Variants in PCSK1 observed in about 807,000 individuals in gnomAD.
The protein encoded by PCSK1 is neuroendocrine convertase 1.
In PCSK1, 56 loss-of-function variants were observed where a neutral mutation model predicts 90.6. That is an observed-to-expected ratio of 0.62 (90% confidence interval 0.50 to 0.77). The LOEUF is 0.77. Among genes scored for constraint, PCSK1 ranks in the 30% least tolerant of loss-of-function variants. The probability of loss-of-function intolerance (pLI) is 0.00; values close to 1 mark genes in which losing one functional copy is unlikely to be tolerated. For missense variants in PCSK1, 801 were observed against 932.6 expected (o/e 0.86, Z 1.84); for synonymous variants, 348 against 342.4 (o/e 1.02, Z -0.18).
At chr5:96,420,662 A>G (rs1212844860) in intron 5 of PCSK1, among the ~76,000 whole-genome samples, 3 of 151,700 alleles carry the variant, frequency 2.0e-5, no homozygotes, top group Non-Finnish European at 4.4e-5. Context: ...TGGAGGGAAG[A>G]CTATCCAAAG....
chr5:96,411,225 G>A (rs538463219), intron 7 of PCSK1, among the ~76,000 whole-genome samples: 6 of 152,314 alleles, frequency 3.9e-5, no homozygotes, highest in African/African-American at 1.2e-4. Flanking sequence ...CTGAGCACAC[G>A]CTTTTCTTTC....
intron 5 of PCSK1, among the ~76,000 whole-genome samples, chr5:96,420,370 TTGTC>T (rs1455761470): frequency 6.6e-6 from 1 of 152,144 alleles, no homozygotes; most frequent in African/African-American, 2.4e-5. Context: ...AGCAAAAAGT[TTGTC>T]TGAGGGTCTG....
chr5:96,412,752 G>GTTTTTTTGTTTTT (rs1760802563), intron 6 of PCSK1, among the ~76,000 whole-genome samples: 7 of 71,804 alleles, frequency 9.7e-5, no homozygotes, highest in African/African-American at 6.3e-4. Flanking sequence ...CAGCTGTGAT[G>GTTTTTTTGTTTTT]TTTTTTTTTT....
chr5:96,432,190 G>C (rs770930143), intron 1 of PCSK1: 54 of 1,477,918 alleles, frequency 3.7e-5, no homozygotes, highest in Middle Eastern at 1.7e-4. Context: ...GACTTTATAA[G>C]TTCCCAGTGA....
rs187875341 is a variant in PCSK1, at chr5:96,427,880, T to C, written c.285+1333A>G. Among the ~76,000 whole-genome samples, 1,352 of 152,274 alleles carry C rather than the reference T, an allele frequency of 8.9e-3. 12 individuals carry two copies. Among genetic ancestry groups the C allele is most frequent in the Middle Eastern group, 0.017 (5 of 294 alleles). ...TCTGCTTTTCAGAGCCCACACACGA[T>C]GAGCCCTCTCCCTTGAAGTGAGTAA... On this transcript the variant is annotated intron_variant, in intron 2 of 13. Coordinates refer to ENST00000311106, the MANE Select transcript of PCSK1 (RefSeq NM_000439.5).
chr5:96,392,669 CCTTTT>C lies in PCSK1; in HGVS notation c.*327_*331del, dbSNP rs1366657381. The stretch of plus-strand genomic sequence containing the variant: ...AAATTAATTGATATCCCAGGTTTTG[CCTTTT>C]CTTTTGAGAATTGAAATGGGCTCTA... On this transcript the variant is annotated 3_prime_UTR_variant, in exon 14 of 14. Coordinates refer to ENST00000311106, the MANE Select transcript of PCSK1 (RefSeq NM_000439.5). 18 of 241,912 alleles carry C rather than the reference CCTTTT, an allele frequency of 7.4e-5. No individual in the cohort carries two copies. Among genetic ancestry groups the C allele is most frequent in the Non-Finnish European group, 1.1e-4 (14 of 126,182 alleles). 15.0% of individuals were successfully genotyped at this position (241,912 alleles called of 1,614,324 possible).
At chr5:96,412,282 G>A (rs758232286) in intron 7 of PCSK1, 36 bp downstream of exon 7, 11 of 1,565,774 alleles carry the variant, frequency 7.0e-6, no homozygotes. Flanking sequence ...AGATGGTCAG[G>A]TTTCATTTCA....
rs1183154024 is a variant in PCSK1 at position 96,432,972 on chromosome 5, C to A, written c.71G>T (p.Ser24Ile). 6.2e-7 allele frequency: 1 copy of A among 1,614,116 alleles called. No individual in the cohort carries two copies. The highest frequency in any genetic ancestry group is 8.5e-7 in the Non-Finnish European group (1 of 1,180,040). Residue 24 changes from serine to isoleucine, a missense_variant, in exon 1 of 14, where the codon AGT becomes ATT. Ser to Ile is a moderately radical substitution (Grantham distance 142). Coordinates refer to ENST00000311106, the MANE Select transcript of PCSK1 (RefSeq NM_000439.5). ...VLFCAWCALNSAKAKRQFVNE... is the reference protein window; with the variant it reads ...VLFCAWCALNIAKAKRQFVNE... ...GACAAATTGCCTTTTCGCTTTTGCA[C>A]TGTTCAGTGCACACCAAGCGCAAAA...
chr5:96,413,353 G>A (rs1760833761), intron 6 of PCSK1, among the ~76,000 whole-genome samples: 1 of 152,190 alleles, frequency 6.6e-6, no homozygotes, highest in Non-Finnish European at 1.5e-5. Flanking sequence ...ACAGATTACA[G>A]GCAGCTACCT....
chr5:96,400,141 G>C lies in PCSK1; in HGVS notation c.1242C>G (p.Thr414=). 6.2e-7 allele frequency: 1 copy of C among 1,614,160 alleles called. No individual in the cohort carries two copies. Among genetic ancestry groups the C allele is most frequent in the Non-Finnish European group, 8.5e-7 (1 of 1,179,996 alleles). ...WRDMQHLVVW[T]SEYDPLANNP... is the part of the protein sequence containing the mutation. The stretch of plus-strand genomic sequence containing the variant: ...TATTGGCCAGCGGGTCATACTCAGA[G>C]GTCCAGACAACCAGGTGCTGCATAT... Residue 414 remains threonine (T), a synonymous_variant, in exon 10 of 14, where the codon ACC becomes ACG. Coordinates refer to ENST00000311106, the MANE Select transcript of PCSK1 (RefSeq NM_000439.5).
At chr5:96,410,650 T>C in intron 8 of PCSK1, 124 bp downstream of exon 8, 1 of 816,880 alleles carries the variant, frequency 1.2e-6, no homozygotes, top group Non-Finnish European at 2.1e-6. Flanking sequence ...TAAGTGTGAG[T>C]TCTCCCAACT....
At chr5:96,419,764 G>T (rs1158707602) in intron 5 of PCSK1, among the ~76,000 whole-genome samples, 2 of 151,660 alleles carry the variant, frequency 1.3e-5, no homozygotes, top group African/African-American at 4.8e-5. Flanking sequence ...CCCTGAGTCA[G>T]GGAAATTATA....
rs139669972 is a variant in PCSK1, at chr5:96,395,002, T to G, written c.1746A>C (p.Gly582=). The change falls in exon 13 of 14, where the codon GGA becomes GGC. Residue 582 remains glycine, a synonymous_variant. Transcript: ENST00000311106. ...TDMSGRIQNE[G]RIVNWKLILH... ...AAATCAGCTTCCAGTTCACAATTCTTCCTTCATTTTGAATTCTTCCAGACT... is the reference window on the plus strand; with the variant it reads ...AAATCAGCTTCCAGTTCACAATTCTGCCTTCATTTTGAATTCTTCCAGACT... The G allele has an allele frequency of 1.2e-6, 2 of 1,613,850 alleles. No individual in the cohort carries two copies. Among genetic ancestry groups the G allele is most frequent in the Admixed American group, 1.7e-5 (1 of 60,028 alleles).
intron 6 of PCSK1, 136 bp from the exon 7 acceptor site, chr5:96,412,626 C>A: frequency 1.3e-6 from 1 of 790,254 alleles, no homozygotes; most frequent in South Asian, 1.7e-5. Context: ...ATAGATGTCC[C>A]CAATTTCTGT....
intron 11 of PCSK1, 115 bp downstream of exon 11, chr5:96,398,764 A>C: frequency 1.1e-6 from 1 of 886,100 alleles, no homozygotes; most frequent in Non-Finnish European, 1.9e-6. Context: ...GTTTTTTAAG[A>C]CCTGAAAATA....
chr5:96,429,409 C>T (rs1194733092), intron 1 of PCSK1, 92 bp from the exon 2 acceptor site: 1 of 716,380 alleles, frequency 1.4e-6, no homozygotes, highest in Non-Finnish European at 2.5e-6. Flanking sequence ...AGATAGGCAA[C>T]TTTTATTAAG....
chr5:96,409,830 C>T (rs1760694510), intron 8 of PCSK1, among the ~76,000 whole-genome samples: 1 of 152,220 alleles, frequency 6.6e-6, no homozygotes, highest in African/African-American at 2.4e-5. Flanking sequence ...CAGGCCCACA[C>T]TTCTAAGTTG....
intron 8 of PCSK1, among the ~76,000 whole-genome samples, chr5:96,409,812 G>A (rs1051392196): frequency 8.5e-5 from 13 of 152,184 alleles, no homozygotes; most frequent in African/African-American, 1.2e-4. Flanking sequence ...AGAGATGCGC[G>A]TGAGAAGCAG....
Position 96,425,824 on chromosome 5 carries a change from T to A in PCSK1, c.392A>T (p.Tyr131Phe). ...FNDPMWNQQW[Y>F]LQDTRMTAAL... Reference sequence around the variant, plus strand: ...AGTCCTTCTGTAGGTACTTACCAAGTACCATTGCTGATTCCACATGGGATC... The same window carrying A: ...AGTCCTTCTGTAGGTACTTACCAAGAACCATTGCTGATTCCACATGGGATC... The change falls in exon 3 of 14, where the codon TAC (tyrosine) becomes TTC (phenylalanine). Residue 131 changes from tyrosine to phenylalanine, a missense_variant. Coordinates refer to ENST00000311106, the MANE Select transcript of PCSK1 (RefSeq NM_000439.5). 6.4e-7 allele frequency: 1 copy of A among 1,555,000 alleles called. No individual in the cohort carries two copies. The highest frequency in any genetic ancestry group is 1.4e-5 in the African/African-American group (1 of 73,876).
Sources: gnomAD v4.1 joint callset for allele counts (sites outside exome capture counted in the v4.1 genomes callset) on GRCh38, gnomAD v4.1.1 for gene constraint, MANE v1.5 for transcripts, NCBI Gene and HGNC (gene_info 2026-07-23, HGNC 2026-07-21) for gene names.